Variants in FAXDC2 observed in about 807,000 individuals in gnomAD.
FAXDC2 encodes the protein fatty acid hydroxylase domain-containing protein 2.
A neutral mutation model predicts 40.9 loss-of-function variants in FAXDC2; 41 were observed. The ratio of observed to expected loss-of-function variants is 1.00; its 90% CI spans 0.78 to 1.30. The LOEUF is 1.30. FAXDC2 is among the 50% of genes most tolerant of loss of function. FAXDC2 has a pLI of 0.00. For missense variants in FAXDC2, 390 were observed against 408.8 expected, an observed-to-expected ratio of 0.95 and a Z score of 0.40; for synonymous variants, 157 against 149.3, an observed-to-expected ratio of 1.05 and a Z score of -0.38.
chr5:154,845,624 C>T (rs1760580600), intron 1 of FAXDC2, among the ~76,000 whole-genome samples: 1 of 151,252 alleles, frequency 6.6e-6, no homozygotes, highest in African/African-American at 2.4e-5. Context: ...ATGCTGCAGC[C>T]TGGGCCACAG....
chr5:154,839,039 T>C (rs1354091627), intron 1 of FAXDC2: 1 of 152,108 alleles, frequency 6.6e-6, no homozygotes, highest in Non-Finnish European at 1.5e-5. Flanking sequence ...GAAATATGTC[T>C]GAGGGCCGGG....
intron 7 of FAXDC2, chr5:154,822,202 G>C (rs1045597877): frequency 1.1e-5 from 4 of 347,954 alleles, no homozygotes; most frequent in African/African-American, 8.3e-5. Context: ...AGGCTGCAGT[G>C]AGCTATGATC....
chr5:154,823,910 A>G (rs1317233575), intron 5 of FAXDC2: 3 of 334,576 alleles, frequency 9.0e-6, no homozygotes, highest in Non-Finnish European at 1.7e-5. Flanking sequence ...ATGTATTTAC[A>G]GGTAACTTGG....
At chr5:154,824,446 A>C in intron 5 of FAXDC2, 1 of 702,288 alleles carries the variant, frequency 1.4e-6, no homozygotes, top group Non-Finnish European at 2.6e-6. Flanking sequence ...AATGGTCCCC[A>C]GCTTGAGGCC....
At chr5:154,842,840 A>T (rs183143402) in intron 1 of FAXDC2, among the ~76,000 whole-genome samples, 5,213 of 146,990 alleles carry the variant, frequency 0.035, 159 homozygotes, top group African/African-American at 0.086. Flanking sequence ...CTTTTTTTTT[A>T]AAAAAAAATA....
At chr5:154,831,046 T>C (rs185273838) in intron 4 of FAXDC2, 124 bp from the exon 5 acceptor site, 2 of 1,241,992 alleles carry the variant, frequency 1.6e-6, no homozygotes, top group Non-Finnish European at 1.1e-6. Context: ...AGGGAGGTCT[T>C]AGGGCTTGGG....
intron 4 of FAXDC2, among the ~76,000 whole-genome samples, chr5:154,833,071 C>G (rs1760232998): frequency 6.6e-6 from 1 of 151,404 alleles, no homozygotes; most frequent in Non-Finnish European, 1.5e-5. Context: ...GGGTCTTGCT[C>G]TGTCACCCAG....
At chr5:154,830,670 T>C in intron 5 of FAXDC2, 131 bp downstream of exon 5, 2 of 1,025,266 alleles carry the variant, frequency 2.0e-6, no homozygotes, top group East Asian at 2.4e-5. Flanking sequence ...CCTTCTAAAC[T>C]GGGGGAGCCT....
intron 2 of FAXDC2, among the ~76,000 whole-genome samples, chr5:154,836,622 G>A (rs1429755894): frequency 1.2e-4 from 18 of 152,046 alleles, no homozygotes; most frequent in Admixed American, 1.2e-3. Flanking sequence ...AGGGGATGTT[G>A]GAGGAGCTGA....
chr5:154,840,790 A>T (rs1760458294), intron 1 of FAXDC2, among the ~76,000 whole-genome samples: 2 of 152,130 alleles, frequency 1.3e-5, no homozygotes, highest in South Asian at 4.1e-4. Flanking sequence ...AGCTCAAGCG[A>T]TCCTCCCGCC....
chr5:154,831,874 A>T (rs528366247), intron 4 of FAXDC2, among the ~76,000 whole-genome samples: 1 of 152,126 alleles, frequency 6.6e-6, no homozygotes, highest in Non-Finnish European at 1.5e-5. Flanking sequence ...CCGTCACAGC[A>T]TTAAAAAAAA....
intron 4 of FAXDC2, 166 bp from the exon 5 acceptor site, chr5:154,831,088 A>G: frequency 1.5e-6 from 1 of 650,616 alleles, no homozygotes. Context: ...TTGGGTAGGA[A>G]CTTGGACAGG....
At chr5:154,825,668 A>AAAAAAAAAAAAAAAAAG (rs70981954) in intron 5 of FAXDC2, among the ~76,000 whole-genome samples, 70 of 143,420 alleles carry the variant, frequency 4.9e-4, no homozygotes, top group African/African-American at 1.7e-3. Context: ...AAAAAAAAAA[A>AAAAAAAAAAAAAAAAAG]GCAGTAATAT....
intron 2 of FAXDC2, 52 bp from the exon 3 acceptor site, chr5:154,834,986 C>G (rs752730206): frequency 2.6e-6 from 3 of 1,147,266 alleles, no homozygotes; most frequent in Non-Finnish European, 2.6e-6. Flanking sequence ...TGCCTTTACA[C>G]CCAGCTCACT....
At chr5:154,823,209 T>C (rs1365294716) in intron 6 of FAXDC2, 178 bp downstream of exon 6, 2 of 605,732 alleles carry the variant, frequency 3.3e-6, no homozygotes, top group African/African-American at 3.7e-5. Context: ...AGACGGGGTC[T>C]CCTGACATTC....
intron 1 of FAXDC2, among the ~76,000 whole-genome samples, chr5:154,847,471 T>TTTTC (rs771142118): frequency 2.0e-5 from 3 of 151,398 alleles, no homozygotes; most frequent in South Asian, 2.1e-4. Flanking sequence ...AGATTTTCTT[T>TTTTC]TTTCTTTCTT....
intron 7 of FAXDC2, chr5:154,822,267 AAAAG>A (rs1370000551): frequency 2.0e-5 from 11 of 551,202 alleles, no homozygotes; most frequent in East Asian, 8.9e-5. Context: ...CAAAAAGAAA[AAAAG>A]AAAGTTGTTG....
intron 1 of FAXDC2, among the ~76,000 whole-genome samples, chr5:154,846,616 C>T (rs1760605189): frequency 6.6e-6 from 1 of 152,036 alleles, no homozygotes; most frequent in Admixed American, 6.6e-5. Flanking sequence ...AACTCCTGGG[C>T]TCAAGTGATG....
chr5:154,824,845 T>G (rs1332888867), intron 5 of FAXDC2: 1 of 308,748 alleles, frequency 3.2e-6, no homozygotes, highest in Non-Finnish European at 6.1e-6. Context: ...TCCCAGCACT[T>G]TGGGAGGTGG....
Sources: gnomAD v4.1 joint callset for allele counts (sites outside exome capture counted in the v4.1 genomes callset) on GRCh38, gnomAD v4.1.1 for gene constraint, MANE v1.5 for transcripts, NCBI Gene and HGNC (gene_info 2026-07-23, HGNC 2026-07-21) for gene names.